WNT7B: variants seen among roughly 807,000 people sequenced by gnomAD.
WNT7B encodes the protein Wnt family member 7B.
WNT7B carries 19 observed loss-of-function variants against 38.2 expected under a neutral mutation model. That is an observed-to-expected ratio of 0.50 (90% CI 0.35 to 0.73). The LOEUF (loss-of-function observed/expected upper bound fraction) is 0.73. Among genes scored for constraint, WNT7B ranks in the 30% least tolerant of loss-of-function variants. The pLI is 0.01. For missense variants in WNT7B, 423 were observed against 507.9 expected, an observed-to-expected ratio of 0.83 and a Z score of 1.61; for synonymous variants, 243 against 209.3, an observed-to-expected ratio of 1.16 and a Z score of -1.39.
chr22:45,926,707 T>C, intron 3 of WNT7B: 1 of 984,794 alleles, frequency 1.0e-6, no homozygotes, highest in Non-Finnish European at 1.2e-6. Flanking sequence ...CCTAAGTAAG[T>C]GTGGCCCTGA....
chr22:45,973,094 A>G (rs1327131570), intron 1 of WNT7B, among the ~76,000 whole-genome samples: 2 of 152,226 alleles, frequency 1.3e-5, no homozygotes, highest in Non-Finnish European at 2.9e-5. Context: ...GCCAGTGGGA[A>G]GGCATCGCCA....
chr22:45,926,623 C>T (rs1931092004), intron 3 of WNT7B: 1 of 985,324 alleles, frequency 1.0e-6, no homozygotes, highest in Admixed American at 6.1e-5. Flanking sequence ...GGATCCTGGC[C>T]ATGGCCTGCG....
chr22:45,961,215 CT>C (rs1343120859), intron 1 of WNT7B, among the ~76,000 whole-genome samples: 3 of 152,222 alleles, frequency 2.0e-5, no homozygotes, highest in Non-Finnish European at 4.4e-5. Flanking sequence ...GTGCCCCGTC[CT>C]TTCTCAGGGC....
At chr22:45,950,607 C>G (rs915993520) in intron 1 of WNT7B, among the ~76,000 whole-genome samples, 1 of 152,250 alleles carries the variant, frequency 6.6e-6, no homozygotes, top group African/African-American at 2.4e-5. Context: ...CTCCATGGCA[C>G]CTGGGCCAGG....
At chr22:45,933,897 T>C (rs1323536996) in intron 2 of WNT7B, among the ~76,000 whole-genome samples, 1 of 152,106 alleles carries the variant, frequency 6.6e-6, no homozygotes, top group Non-Finnish European at 1.5e-5. Context: ...AGGTGGCACT[T>C]TCTGTCCAGG....
chr22:45,934,814 C>T (rs1931471157), intron 2 of WNT7B, among the ~76,000 whole-genome samples: 1 of 152,232 alleles, frequency 6.6e-6, no homozygotes, highest in African/African-American at 2.4e-5. Flanking sequence ...GAGCCAAACC[C>T]TCTGGTCTCT....
At position 45,976,779 on chromosome 22, in the gene WNT7B, T is replaced by C; in HGVS notation, c.-25A>G. ...TGATCCAGGGAGGGGGGCTGCGCCA[T>C]AGACAGCGGCGGCCGGAGGGGACGC... On this transcript the variant is annotated 5_prime_UTR_variant, in exon 1 of 4. The change abolishes an upstream ATG in the 5' untranslated region. Transcript: ENST00000339464. The surrounding 1 kb of genome is among the most constrained non-coding windows in gnomAD (Gnocchi z 8.5). The C allele has an allele frequency of 6.3e-7, 1 of 1,592,302 alleles. No homozygotes were observed. The highest frequency in any genetic ancestry group is 8.6e-7 in the Non-Finnish European group (1 of 1,167,334).
chr22:45,937,998 G>A (rs1931553360), intron 2 of WNT7B, among the ~76,000 whole-genome samples: 1 of 151,822 alleles, frequency 6.6e-6, no homozygotes, highest in Non-Finnish European at 1.5e-5. Context: ...AATAGAGCGA[G>A]ACTCCGTCTA....
At chr22:45,971,933 C>T (rs990010757) in intron 1 of WNT7B, among the ~76,000 whole-genome samples, 4 of 152,184 alleles carry the variant, frequency 2.6e-5, no homozygotes, top group Non-Finnish European at 4.4e-5. Context: ...TTTCTTTGAC[C>T]CCAGAGCCAG....
chr22:45,924,970 C>T (rs1387691165), intron 3 of WNT7B, among the ~76,000 whole-genome samples: 1 of 147,096 alleles, frequency 6.8e-6, no homozygotes, highest in African/African-American at 2.6e-5. Context: ...CTGGGTGGGC[C>T]CTAGGCTGGC....
chr22:45,924,684 T>G, intron 3 of WNT7B, among the ~76,000 whole-genome samples: 1 of 135,960 alleles, frequency 7.4e-6, no homozygotes, highest in African/African-American at 2.8e-5. Context: ...AGGTGGGTGC[T>G]GGGGGTCCCA....
chr22:45,950,156 G>C lies in WNT7B; in HGVS notation c.72-10C>G. 4 of 1,609,030 alleles carry C rather than the reference G, an allele frequency of 2.5e-6. No homozygotes were observed. The highest frequency in any genetic ancestry group is 2.6e-6 in the Non-Finnish European group (3 of 1,176,254). ...CACGGATGACAGTGCTCTGTGGAGG[G>C]GAGGAGACAGAGGCCGTGAGACGGC... On this transcript the variant is annotated splice_polypyrimidine_tract_variant and intron_variant, in intron 1 of 3. Coordinates refer to ENST00000339464, the MANE Select transcript of WNT7B (RefSeq NM_058238.3).
rs1931894986 is a variant in WNT7B at position 45,950,056 on chromosome 22, A to C, written c.162T>G (p.Ser54Arg). ...CAATCACAATGATGGCATCGGGCCG[A>C]CTCTGGCAGATGGCACGCTGCCGCG... ...LAPRQRAICQ[S>R]RPDAIIVIGE... The change falls in exon 2 of 4, where the codon AGT (serine) becomes AGG (arginine). Residue 54 changes from serine to arginine, a missense_variant. Coordinates refer to ENST00000339464, the MANE Select transcript of WNT7B (RefSeq NM_058238.3). 1.9e-6 allele frequency: 3 copies of C among 1,614,018 alleles called. No homozygotes were observed. The highest frequency in any genetic ancestry group is 1.7e-5 in the Admixed American group (1 of 60,030).
At chr22:45,925,600 C>A in intron 3 of WNT7B, 1 of 985,208 alleles carries the variant, frequency 1.0e-6, no homozygotes, top group Non-Finnish European at 1.2e-6. Context: ...CTGTCCATCA[C>A]CCCAGCTCCC....
intron 2 of WNT7B, among the ~76,000 whole-genome samples, chr22:45,934,750 C>G (rs1469654041): frequency 1.3e-5 from 2 of 152,222 alleles, no homozygotes; most frequent in African/African-American, 2.4e-5. Flanking sequence ...CAGTTACTCA[C>G]CGGTTACTCA....
intron 2 of WNT7B, among the ~76,000 whole-genome samples, chr22:45,934,693 C>A (rs1437451409): frequency 1.3e-5 from 2 of 152,222 alleles, no homozygotes; most frequent in Non-Finnish European, 2.9e-5. Flanking sequence ...TCCAGCCTCC[C>A]GCAAGCGCCT....
rs1196580610 is a variant in WNT7B, at chr22:45,976,261, C to T, written c.71+423G>A. ...CGCGCCCCCCGCCCTCCCGGGCCTC[C>T]GCAGGCGCCGGACGCCCCCCGACCC... On this transcript the variant is annotated intron_variant, in intron 1 of 3. Coordinates refer to ENST00000339464, the MANE Select transcript of WNT7B (RefSeq NM_058238.3). This position sits in a 1 kb window ranked among gnomAD's most constrained non-coding sequence, Gnocchi z 8.5. Among the ~76,000 whole-genome samples the T allele has an allele frequency of 1.4e-5, 2 of 146,802 alleles. No individual in the cohort carries two copies. The highest frequency in any genetic ancestry group is 3.2e-3 in the Middle Eastern group (1 of 312).
At chr22:45,948,624 A>C (rs1204520544) in intron 2 of WNT7B, among the ~76,000 whole-genome samples, 1 of 152,034 alleles carries the variant, frequency 6.6e-6, no homozygotes, top group Non-Finnish European at 1.5e-5. Flanking sequence ...CACAGCCTGG[A>C]GGGCAGGGTA....
chr22:45,960,625 C>T (rs1302775627), intron 1 of WNT7B, among the ~76,000 whole-genome samples: 4 of 152,244 alleles, frequency 2.6e-5, no homozygotes, highest in South Asian at 2.1e-4. Context: ...GCTTCTGGCC[C>T]GGGGCGCTTT....
Sources: allele counts gnomAD v4.1 joint callset (sites outside exome capture counted in the v4.1 genomes callset), GRCh38; gene constraint gnomAD v4.1.1; non-coding constraint Gnocchi (gnomAD v3.1); transcripts MANE v1.5; gene names NCBI Gene and HGNC (gene_info 2026-07-23, HGNC 2026-07-21).